The following STAC variants were observed in gnomAD, a reference collection of about 807,000 sequenced individuals.
STAC encodes the protein SH3 and cysteine rich domain.
In STAC, 43 loss-of-function variants were observed where a neutral mutation model predicts 48.8. The ratio of observed to expected loss-of-function variants is 0.88; its 90% CI spans 0.69 to 1.14. STAC has a LOEUF of 1.14. Ranked by LOEUF, STAC falls within the 50% of genes most tolerant of loss-of-function variation. The pLI is 0.00. For missense variants in STAC, 497 were observed against 504.0 expected, an observed-to-expected ratio of 0.99 and a Z score of 0.13; for synonymous variants, 193 against 179.5, an observed-to-expected ratio of 1.07 and a Z score of -0.60.
At chr3:36,529,278 C>G (rs1011223847) in intron 10 of STAC, 1 of 189,942 alleles carries the variant, frequency 5.3e-6, no homozygotes, top group Non-Finnish European at 1.1e-5. Context: ...ATGTGGACAG[C>G]TTCTCTCATT....
Position 36,524,310 on chromosome 3 carries a change from C to T in STAC, c.921-4386C>T, listed in dbSNP as rs562380269. ...CTAATTTTTAACAAATAATAATAAG[C>T]GGGCCAGGCGCGGTGGCTCACGCCT... On this transcript the variant is annotated intron_variant, in intron 8 of 10. Coordinates refer to ENST00000273183, the MANE Select transcript of STAC (RefSeq NM_003149.3). Among the ~76,000 whole-genome samples, 14 of 152,158 alleles carry T rather than the reference C, an allele frequency of 9.2e-5. No individual in the cohort carries two copies. In the East Asian group the frequency reaches 2.3e-3, roughly 25 times the overall value.
chr3:36,410,650 T>C (rs1038975307), intron 1 of STAC, among the ~76,000 whole-genome samples: 1 of 152,224 alleles, frequency 6.6e-6, no homozygotes, highest in African/African-American at 2.4e-5. Flanking sequence ...TTTTGCTGTC[T>C]ATATTAAATA....
chr3:36,473,694 T>C (rs777268985), intron 2 of STAC, among the ~76,000 whole-genome samples: 4 of 152,224 alleles, frequency 2.6e-5, no homozygotes, highest in Non-Finnish European at 5.9e-5. Context: ...TACACATACA[T>C]ATTCACATAT....
intron 8 of STAC, among the ~76,000 whole-genome samples, chr3:36,514,598 A>G (rs967071744): frequency 6.6e-6 from 1 of 152,204 alleles, no homozygotes; most frequent in African/African-American, 2.4e-5. Flanking sequence ...ATATCCCTAG[A>G]GCATGAGCTC....
At chr3:36,380,862 C>T in intron 1 of STAC, 108 bp downstream of exon 1, 2 of 698,892 alleles carry the variant, frequency 2.9e-6, no homozygotes, top group Non-Finnish European at 4.6e-6. Flanking sequence ...CTGAGACTTG[C>T]TAGTTAGCCC....
At chr3:36,475,592 G>A (rs1417703708) in intron 2 of STAC, among the ~76,000 whole-genome samples, 1 of 152,214 alleles carries the variant, frequency 6.6e-6, no homozygotes. Context: ...TGAAGCATCT[G>A]TCAGGATAAC....
intron 8 of STAC, among the ~76,000 whole-genome samples, chr3:36,507,325 A>T (rs1416602916): frequency 6.6e-6 from 1 of 152,140 alleles, no homozygotes; most frequent in Non-Finnish European, 1.5e-5. Context: ...GTTTGCCAGT[A>T]TTTTATGAGG....
At chr3:36,476,940 C>T (rs930789313) in intron 2 of STAC, among the ~76,000 whole-genome samples, 1 of 152,072 alleles carries the variant, frequency 6.6e-6, no homozygotes, top group Non-Finnish European at 1.5e-5. Flanking sequence ...TACTGGTGGA[C>T]GTTGAGAGGA....
At chr3:36,482,889 G>A in intron 2 of STAC, 103 bp from the exon 3 acceptor site, 1 of 718,024 alleles carries the variant, frequency 1.4e-6, no homozygotes, top group Non-Finnish European at 2.4e-6. Flanking sequence ...TGAAAAAGTT[G>A]TAGGAAAGAA....
intron 1 of STAC, among the ~76,000 whole-genome samples, chr3:36,417,719 G>A (rs1700351765): frequency 6.6e-6 from 1 of 152,106 alleles, no homozygotes. Flanking sequence ...AATAGTATAG[G>A]TTTGAAAAAA....
At chr3:36,397,624 T>C (rs7626457) in intron 1 of STAC, among the ~76,000 whole-genome samples, 3,543 of 152,220 alleles carry the variant, frequency 0.023, 60 homozygotes, top group East Asian at 0.026. Flanking sequence ...AAGAACATGA[T>C]GTAAAATCAA....
intron 1 of STAC, among the ~76,000 whole-genome samples, chr3:36,411,044 A>G (rs1308058397): frequency 3.3e-5 from 5 of 152,214 alleles, no homozygotes; most frequent in Non-Finnish European, 7.3e-5. Flanking sequence ...ACTGTCTATC[A>G]TCTAAGTAAA....
At chr3:36,441,315 G>C (rs1404682996) in intron 1 of STAC, among the ~76,000 whole-genome samples, 1 of 151,654 alleles carries the variant, frequency 6.6e-6, no homozygotes, top group East Asian at 1.9e-4. Context: ...ACTTTTTTTA[G>C]CTTCCACATA....
chr3:36,470,131 T>C (rs1441465047), intron 2 of STAC, among the ~76,000 whole-genome samples: 1 of 152,226 alleles, frequency 6.6e-6, no homozygotes, highest in Non-Finnish European at 1.5e-5. Flanking sequence ...TTTGGAGGTG[T>C]TAAAGAACCT....
At chr3:36,493,101 A>G in intron 5 of STAC, 50 bp from the exon 6 acceptor site, 1 of 1,562,668 alleles carries the variant, frequency 6.4e-7, no homozygotes, top group Non-Finnish European at 8.8e-7. Flanking sequence ...TGCTCAATTG[A>G]CCACAGATAT....
intron 2 of STAC, among the ~76,000 whole-genome samples, chr3:36,477,652 T>C (rs2125695925): frequency 6.6e-6 from 1 of 152,336 alleles, no homozygotes; most frequent in Non-Finnish European, 1.5e-5. Flanking sequence ...ACCACGCTCA[T>C]AAAAGAGCCC....
chr3:36,448,904 C>T (rs543738281), intron 2 of STAC, among the ~76,000 whole-genome samples: 2 of 12,498 alleles, frequency 1.6e-4, no homozygotes, highest in Admixed American at 9.9e-4. Context: ...ACAGTGAACC[C>T]CCCCCCCCAC....
At chr3:36,398,341 AAGAAAGAAAGAAAGAAAGAAAGAAAG>A (rs1559476921) in intron 1 of STAC, among the ~76,000 whole-genome samples, 1 of 140,964 alleles carries the variant, frequency 7.1e-6, no homozygotes, top group African/African-American at 2.6e-5. Flanking sequence ...GAAAGAAAGA[AAGAAAGAAAGAAAGAAAGAAAGAAAG>A]AAAAGAAAGA....
intron 1 of STAC, among the ~76,000 whole-genome samples, chr3:36,414,667 TCTCAA>T (rs1700276919): frequency 6.6e-6 from 1 of 152,214 alleles, no homozygotes; most frequent in Non-Finnish European, 1.5e-5. Flanking sequence ...AGCCCTCTTC[TCTCAA>T]CTCGTCATTC....
Sources: gnomAD v4.1 joint callset for allele counts (sites outside exome capture counted in the v4.1 genomes callset) on GRCh38, gnomAD v4.1.1 for gene constraint, MANE v1.5 for transcripts, NCBI Gene and HGNC (gene_info 2026-07-23, HGNC 2026-07-21) for gene names.